CABP1: variants seen among roughly 807,000 people sequenced by gnomAD.
The protein encoded by CABP1 is calcium-binding protein 1.
Under a neutral mutation model 34.3 loss-of-function variants are expected in CABP1, and 17 were observed. The ratio of observed to expected loss-of-function variants is 0.50; its 90% CI spans 0.34 to 0.74. The LOEUF (loss-of-function observed/expected upper bound fraction) is 0.74, where lower values mean the gene tolerates loss of function less well. Ranked by LOEUF, CABP1 falls within the 30% of genes least tolerant of loss-of-function variation. CABP1 has a pLI of 0.01. For synonymous variants in CABP1, 198 were observed against 229.2 expected, an observed-to-expected ratio of 0.86 and a Z score of 1.23; for missense variants, 373 against 511.1, an observed-to-expected ratio of 0.73 and a Z score of 2.61.
intron 1 of CABP1, chr12:120,655,262 T>C (rs1486542469): frequency 6.5e-6 from 1 of 153,128 alleles, no homozygotes; most frequent in Admixed American, 6.4e-5. Context: ...ACCCCATCTC[T>C]GCTGAAAATA....
At position 120,660,463 on chromosome 12, in the gene CABP1, C is replaced by G; in HGVS notation, c.829+124C>G. On this transcript the variant is annotated intron_variant, in intron 3 of 5. Transcript: ENST00000316803. The surrounding 1 kb of genome is among the most constrained non-coding windows in gnomAD (Gnocchi z 5.0). The stretch of plus-strand genomic sequence containing the variant: ...ACCAGCTCTGTGATCTGGGGCCAAC[C>G]ACTTACCCTCTCTGAGCCTCAGTTT... 1.9e-6 allele frequency: 2 copies of G among 1,076,544 alleles called. No homozygotes were observed. The highest frequency in any genetic ancestry group is 2.7e-6 in the Non-Finnish European group (2 of 754,024). The allele number at this position is 1,076,544 out of a possible 1,614,324, so 66.7% of individuals were successfully genotyped here.
At chr12:120,668,268 C>T (rs547929496), downstream of CABP1, among the ~76,000 whole-genome samples, 4 of 152,228 alleles carry the variant, frequency 2.6e-5, no homozygotes, top group South Asian at 2.1e-4. Context: ...GAGGCTGAGG[C>T]GGGAGGATCA....
intron 1 of CABP1, among the ~76,000 whole-genome samples, chr12:120,647,334 A>G (rs1879583807): frequency 6.6e-6 from 1 of 151,954 alleles, no homozygotes; most frequent in African/African-American, 2.4e-5. Context: ...ACTGAAGCCG[A>G]GAAAGATCAA....
intron 5 of CABP1, among the ~76,000 whole-genome samples, chr12:120,663,943 T>C (rs1447627461): frequency 6.6e-6 from 1 of 152,208 alleles, no homozygotes; most frequent in Non-Finnish European, 1.5e-5. Flanking sequence ...AAAGACAAGA[T>C]AAGCATGTGC....
intron 1 of CABP1, among the ~76,000 whole-genome samples, chr12:120,654,733 A>G (rs2137346163): frequency 6.7e-6 from 1 of 150,298 alleles, no homozygotes; most frequent in Non-Finnish European, 1.5e-5. Flanking sequence ...CTGTAGAGGC[A>G]CTGGGCATCC....
chr12:120,658,207 C>T (rs941208122), intron 1 of CABP1, among the ~76,000 whole-genome samples: 3 of 151,488 alleles, frequency 2.0e-5, no homozygotes, highest in Middle Eastern at 3.4e-3. Context: ...GATTCTCCTG[C>T]CTCAGCCTCC....
chr12:120,670,857 C>G (rs915582708), downstream of CABP1, among the ~76,000 whole-genome samples: 16 of 152,322 alleles, frequency 1.1e-4, no homozygotes, highest in African/African-American at 3.6e-4. Flanking sequence ...CACACATGCA[C>G]TTGATGTTTA....
At chr12:120,674,758 G>A in the CABP1 span, among the ~76,000 whole-genome samples, 3 of 152,046 alleles carry the variant, frequency 2.0e-5, no homozygotes, top group East Asian at 3.9e-4. Flanking sequence ...GGGCATGGTG[G>A]TGCGCACCTG....
intron 1 of CABP1, chr12:120,650,688 T>C: frequency 1.2e-6 from 2 of 1,613,804 alleles, no homozygotes; most frequent in African/African-American, 2.7e-5. Context: ...GGAAGGTATG[T>C]TTTTGGAGTT....
intron 5 of CABP1, among the ~76,000 whole-genome samples, chr12:120,664,095 A>G (rs1271782141): frequency 6.6e-6 from 1 of 152,230 alleles, no homozygotes; most frequent in Non-Finnish European, 1.5e-5. Context: ...CCCTGTATCC[A>G]GGTAGCGCCC....
In CABP1 at chr12:120,641,348, C is replaced by A; in HGVS notation, c.654+9C>A. On this transcript the variant is annotated intron_variant, in intron 1 of 5. Coordinates refer to ENST00000316803, the MANE Select transcript of CABP1 (RefSeq NM_001033677.2). The surrounding 1 kb of genome is among the most constrained non-coding windows in gnomAD (Gnocchi z 6.7). ...GCTCCGCCTTTGGCCAGGTAAGGGC[C>A]GCGCCTCCCGTCAGCGCTCCCGGGA... 7.8e-7 allele frequency: 1 copy of A among 1,277,968 alleles called. No individual in the cohort carries two copies. Among genetic ancestry groups the A allele is most frequent in the South Asian group, 2.6e-5 (1 of 38,986 alleles). The allele number at this position is 1,277,968 out of a possible 1,614,324, so 79.2% of individuals were successfully genotyped here. A position where few individuals can be genotyped will look rare whatever the true frequency, so the allele number is the denominator to read the frequency against.
the CABP1 span, among the ~76,000 whole-genome samples, chr12:120,676,681 C>G: frequency 6.6e-6 from 1 of 152,200 alleles, no homozygotes; most frequent in African/African-American, 2.4e-5. Context: ...CCTGCCTCAG[C>G]CTCCCAAAGT....
At chr12:120,645,406 C>T (rs1168457869) in intron 1 of CABP1, among the ~76,000 whole-genome samples, 4 of 152,118 alleles carry the variant, frequency 2.6e-5, no homozygotes, top group Non-Finnish European at 5.9e-5. Context: ...TTTTGAGAGG[C>T]AACAATAGCA....
intron 1 of CABP1, among the ~76,000 whole-genome samples, chr12:120,649,607 C>A (rs554710840): frequency 6.6e-6 from 1 of 152,090 alleles, no homozygotes; most frequent in Non-Finnish European, 1.5e-5. Context: ...GGGGAGAGGT[C>A]TTTGCTGTGG....
At chr12:120,678,623 G>A in the CABP1 span, among the ~76,000 whole-genome samples, 1 of 152,166 alleles carries the variant, frequency 6.6e-6, no homozygotes, top group African/African-American at 2.4e-5. Flanking sequence ...TGAGACAACT[G>A]AGGCCCAGAG....
intron 5 of CABP1, among the ~76,000 whole-genome samples, chr12:120,664,700 C>A (rs776563306): frequency 6.6e-6 from 1 of 151,796 alleles, no homozygotes; most frequent in Non-Finnish European, 1.5e-5. Flanking sequence ...ATGGTGAAAC[C>A]CTGTCTCTAT....
At chr12:120,668,055 T>C (rs1439534530), downstream of CABP1, among the ~76,000 whole-genome samples, 2 of 152,140 alleles carry the variant, frequency 1.3e-5, no homozygotes, top group Non-Finnish European at 2.9e-5. Context: ...GATACTGCTA[T>C]TGAGGAAAAA....
chr12:120,660,277 C>G lies in CABP1; in HGVS notation c.767C>G (p.Thr256Ser), dbSNP rs769497163. The change falls in exon 3 of 6, where the codon ACC becomes AGC. Residue 256 changes from threonine (T) to serine (S), a missense_variant. Transcript: ENST00000316803. The surrounding 1 kb of genome is among the most constrained non-coding windows in gnomAD (Gnocchi z 5.0). ...CGGGATCTGGGCAACTGCATGCGCA[C>G]CATGGGCTACATGCCCACCGAGATG... ...NCRDLGNCMR[T>S]MGYMPTEMEL... 3.1e-6 allele frequency: 5 copies of G among 1,608,046 alleles called. No homozygotes were observed. The highest frequency in any genetic ancestry group is 4.2e-6 in the Non-Finnish European group (5 of 1,177,442).
chr12:120,651,880 C>T (rs147707219), intron 1 of CABP1, among the ~76,000 whole-genome samples: 1,879 of 152,296 alleles, frequency 0.012, 33 homozygotes, highest in Non-Finnish European at 0.016. Context: ...AAGTGCCCTC[C>T]GCGCTGTCCC....
Sources: gnomAD v4.1 joint callset for allele counts (sites outside exome capture counted in the v4.1 genomes callset) on GRCh38, gnomAD v4.1.1 for gene constraint, Gnocchi (gnomAD v3.1) non-coding constraint, MANE v1.5 for transcripts, NCBI Gene and HGNC (gene_info 2026-07-23, HGNC 2026-07-21) for gene names.